IRS2: variants seen among roughly 807,000 people sequenced by gnomAD.
IRS2 encodes the protein insulin receptor substrate 2.
In IRS2, 28 loss-of-function variants were observed where a neutral mutation model predicts 70.9. The ratio of observed to expected loss-of-function variants is 0.39; its 90% CI spans 0.29 to 0.54. IRS2 has a LOEUF of 0.54. IRS2 is among the 20% of genes least tolerant of loss of function. The pLI is 0.59. For missense variants in IRS2, 2,081 were observed against 2,024.1 expected (o/e 1.03, Z -0.54); for synonymous variants, 1,217 against 981.9 (o/e 1.24, Z -4.48).
chr13:109,762,169 T>C (rs942179839), intron 1 of IRS2, among the ~76,000 whole-genome samples: 3 of 152,162 alleles, frequency 2.0e-5, no homozygotes, highest in Non-Finnish European at 2.9e-5. Context: ...GTGTTATTGT[T>C]AAAAACCCTG....
At chr13:109,769,315 CTG>C (rs1221206262) in intron 1 of IRS2, among the ~76,000 whole-genome samples, 3 of 152,216 alleles carry the variant, frequency 2.0e-5, no homozygotes, top group African/African-American at 7.2e-5. Flanking sequence ...CCCTCACACA[CTG>C]TGACATGTGG....
Position 109,782,404 on chromosome 13 carries a change from C to G in IRS2, c.3650G>C (p.Gly1217Ala), listed in dbSNP as rs2138929637. Residue 1217 changes from glycine (G) to alanine (A), a missense_variant, in exon 1 of 2, where the codon GGC becomes GCC. Physicochemically the swap from Gly to Ala is moderately conservative, Grantham distance 60 (BLOSUM62 0). Coordinates refer to ENST00000375856, the MANE Select transcript of IRS2 (RefSeq NM_003749.3). Reference sequence around the variant, plus strand: ...GGGCTGACCCGGGGTCCACGGCCGGCCCTGCGGTGCCAAAGGGGGCGCCGG... The same window carrying G: ...GGGCTGACCCGGGGTCCACGGCCGGGCCTGCGGTGCCAAAGGGGGCGCCGG... ...LQPAPPLAPQ[G>A]RPWTPGQPGG... is the part of the protein sequence containing the mutation. 6.2e-7 allele frequency: 1 copy of G among 1,604,556 alleles called. No homozygotes were observed. The highest frequency in any genetic ancestry group is 2.3e-5 in the East Asian group (1 of 44,420).
Position 109,784,972 on chromosome 13 carries a change from A to G in IRS2, c.1082T>C (p.Val361Ala). Residue 361 changes from valine to alanine, a missense_variant, in exon 1 of 2, where the codon GTG (valine) becomes GCG (alanine). Transcript: ENST00000375856. This position sits in a 1 kb window ranked among gnomAD's most constrained non-coding sequence, Gnocchi z 5.2. ...PPAAKCSSCR[V>A]RTASEGDGGA... ...GCCGTCGCCCTCGCTGGCGGTGCGC[A>G]CCCGGCACGAGCTGCACTTGGCCGC... The G allele has an allele frequency of 8.1e-7, 1 of 1,236,322 alleles. No homozygotes were observed. Among genetic ancestry groups the G allele is most frequent in the Non-Finnish European group, 1.0e-6 (1 of 989,872 alleles). 76.6% of individuals were successfully genotyped at this position (1,236,322 alleles called of 1,614,324 possible).
chr13:109,782,244 C>G lies in IRS2; in HGVS notation c.3810G>C (p.Pro1270=), dbSNP rs777189979. The change falls in exon 1 of 2, where the codon CCG becomes CCC. Residue 1270 remains proline (P), a synonymous_variant. Transcript: ENST00000375856. ...CCGGCTGAGGAAGCGGCGGCGGCGGCGGCTGCGGCTGGGGTGGCAGCCCGG... is the reference window on the plus strand; with the variant it reads ...CCGGCTGAGGAAGCGGCGGCGGCGGGGGCTGCGGCTGGGGTGGCAGCCCGG... ...EEPGLPPQPQ[P]PPPPLPQPGD... The G allele has an allele frequency of 6.2e-7, 1 of 1,608,008 alleles. No homozygotes were observed. The highest frequency in any genetic ancestry group is 1.7e-5 in the Admixed American group (1 of 59,762).
intron 1 of IRS2, among the ~76,000 whole-genome samples, chr13:109,780,974 G>A (rs978158347): frequency 1.3e-5 from 2 of 152,184 alleles, no homozygotes; most frequent in Non-Finnish European, 2.9e-5. Context: ...AGAACGGGAA[G>A]AACAATACCA....
Position 109,785,105 on chromosome 13 carries a change from T to C in IRS2, c.949A>G (p.Ile317Val), listed in dbSNP as rs758450787. 2.5e-6 allele frequency: 4 copies of C among 1,590,184 alleles called. No homozygotes were observed. In the African/African-American group the frequency reaches 4.0e-5, roughly 16 times the overall value. The change falls in exon 1 of 2, where the codon ATC becomes GTC. Residue 317 changes from isoleucine to valine, a missense_variant. Coordinates refer to ENST00000375856, the MANE Select transcript of IRS2 (RefSeq NM_003749.3). This position sits in a 1 kb window ranked among gnomAD's most constrained non-coding sequence, Gnocchi z 9.3. ...QSSGSSATHPISVPGARRHHH... is the reference protein window; with the variant it reads ...QSSGSSATHPVSVPGARRHHH... ...TGGCGGCGCGCGCCGGGGACGCTGA[T>C]GGGGTGCGTGGCCGACGACCCCGAC...
Position 109,784,312 on chromosome 13 carries a change from G to A in IRS2, c.1742C>T (p.Pro581Leu), listed in dbSNP as rs779734557. Residue 581 changes from proline to leucine, a missense_variant, in exon 1 of 2, where the codon CCA becomes CTA. Around this residue, in one of 4 missense-constraint regions of IRS2, gnomAD observed 1,615 missense variants for 1,459.5 expected, o/e 1.11. Coordinates refer to ENST00000375856, the MANE Select transcript of IRS2 (RefSeq NM_003749.3). The surrounding 1 kb of genome is among the most constrained non-coding windows in gnomAD (Gnocchi z 5.2). The part of the protein sequence containing the change: ...LRKRTYSLTT[P>L]ARQRPVPQPS... ...CTGGGGCACCGGCCGCTGCCGGGCT[G>A]GCGTGGTCAGGGAGTAGGTCCTCTT... 10 of 1,602,630 alleles carry A rather than the reference G, an allele frequency of 6.2e-6. No individual in the cohort carries two copies. The highest frequency in any genetic ancestry group is 8.5e-6 in the Non-Finnish European group (10 of 1,175,532).
rs1470291453 is a variant in IRS2 at position 109,786,453 on chromosome 13, C to T, written c.-400G>A. On this transcript the variant is annotated 5_prime_UTR_variant, in exon 1 of 2. Coordinates refer to ENST00000375856, the MANE Select transcript of IRS2 (RefSeq NM_003749.3). This position sits in a 1 kb window ranked among gnomAD's most constrained non-coding sequence, Gnocchi z 4.4. ...GGGCTGCTGCCGCCGCGTCGCGCTC[C>T]GGGAAGCCGGGGTGCGCCCGGGCGC... The T allele has an allele frequency of 6.8e-6, 1 of 148,118 alleles. No homozygotes were observed. The highest frequency in any genetic ancestry group is 1.5e-5 in the Non-Finnish European group (1 of 66,444). The allele number at this position is 148,118 out of a possible 1,614,324, so 9.2% of individuals were successfully genotyped here.
At position 109,755,269 on chromosome 13, in the gene IRS2, A is replaced by G. The variant is rs1307213720; in HGVS notation, c.*1035T>C. The G allele has an allele frequency of 4.6e-6, 1 of 216,990 alleles. No individual in the cohort carries two copies. Among genetic ancestry groups the G allele is most frequent in the Non-Finnish European group, 8.8e-6 (1 of 113,452 alleles). The allele number at this position is 216,990 out of a possible 1,614,324, so 13.4% of individuals were successfully genotyped here. A position where few individuals can be genotyped will look rare whatever the true frequency, so the allele number is the denominator to read the frequency against. ...TCAGGGCAGCCTCACTGGTTGACATAATAACATTTTATTAAAGATAATACG... is the reference window on the plus strand; with the variant it reads ...TCAGGGCAGCCTCACTGGTTGACATGATAACATTTTATTAAAGATAATACG... On this transcript the variant is annotated 3_prime_UTR_variant, in exon 2 of 2. Transcript: ENST00000375856.
Position 109,783,809 on chromosome 13 carries a change from A to C in IRS2, c.2245T>G (p.Ser749Ala). ...TCTGCATGCTCCATGGACAGCTTGG[A>C]ACCGCACCACATGCGCATGTACCCA... The part of the protein sequence containing the change: ...DSGYMRMWCG[S>A]KLSMEHADGK... Residue 749 changes from serine (S) to alanine (A), a missense_variant, in exon 1 of 2, where the codon TCC becomes GCC. By Grantham distance (99) the Ser-to-Ala change is moderately conservative. Around this residue, in one of 4 missense-constraint regions of IRS2, gnomAD observed 1,615 missense variants for 1,459.5 expected, o/e 1.11. Coordinates refer to ENST00000375856, the MANE Select transcript of IRS2 (RefSeq NM_003749.3). 6.3e-7 allele frequency: 1 copy of C among 1,595,156 alleles called. No individual in the cohort carries two copies. The highest frequency in any genetic ancestry group is 1.3e-5 in the African/African-American group (1 of 74,524).
chr13:109,761,387 T>C (rs1877222075), intron 1 of IRS2, among the ~76,000 whole-genome samples: 1 of 152,210 alleles, frequency 6.6e-6, no homozygotes, highest in East Asian at 1.9e-4. Flanking sequence ...TAGTAGCAAA[T>C]GTGATTCCGA....
At chr13:109,771,304 A>G (rs1332330455) in intron 1 of IRS2, among the ~76,000 whole-genome samples, 1 of 152,106 alleles carries the variant, frequency 6.6e-6, no homozygotes, top group Non-Finnish European at 1.5e-5. Flanking sequence ...GCAGTTCAAT[A>G]TTAATATTTA....
In IRS2 at chr13:109,782,696, A is replaced by G; in HGVS notation, c.3358T>C (p.Phe1120Leu). ...TCCGGGGGCTGGCTGGCCTGCAGGAAGGCCTCGACTCCCGACACCTGCTCC... is the reference window on the plus strand; with the variant it reads ...TCCGGGGGCTGGCTGGCCTGCAGGAGGGCCTCGACTCCCGACACCTGCTCC... ...LMEQVSGVEAFLQASQPPDPH... is the reference protein window; with the variant it reads ...LMEQVSGVEALLQASQPPDPH... Residue 1120 changes from phenylalanine (F) to leucine (L), a missense_variant, in exon 1 of 2, where the codon TTC (phenylalanine) becomes CTC (leucine). Physicochemically the swap from Phe to Leu is conservative, Grantham distance 22. Coordinates refer to ENST00000375856, the MANE Select transcript of IRS2 (RefSeq NM_003749.3). 1 of 1,585,286 alleles carries G rather than the reference A, an allele frequency of 6.3e-7. No homozygotes were observed. Among genetic ancestry groups the G allele is most frequent in the East Asian group, 2.3e-5 (1 of 43,448 alleles).
Position 109,770,526 on chromosome 13 carries a change from C to G in IRS2, c.4012+11516G>C, listed in dbSNP as rs549347588. On this transcript the variant is annotated intron_variant, in intron 1 of 1. Transcript: ENST00000375856. ...ACGCAGGGGTGAAGGGGTGAAACAT[C>G]TGAGTGGTCCCAGCTGTGAATGGGA... Among the ~76,000 whole-genome samples, 3 of 152,228 alleles carry G rather than the reference C, an allele frequency of 2.0e-5. No individual in the cohort carries two copies. The South Asian group carries it at 6.2e-4, about 31-fold the overall frequency.
chr13:109,773,278 ATTAG>A (rs1487792279), intron 1 of IRS2, among the ~76,000 whole-genome samples: 6 of 152,360 alleles, frequency 3.9e-5, no homozygotes, highest in South Asian at 2.1e-4. Context: ...GCAACAACTG[ATTAG>A]TTAGTTATTG....
intron 1 of IRS2, among the ~76,000 whole-genome samples, chr13:109,759,684 AG>A (rs200260410): frequency 1.5e-5 from 2 of 135,748 alleles, no homozygotes; most frequent in Non-Finnish European, 3.3e-5. Flanking sequence ...AGCTGGTGGT[AG>A]AATCTTTGCC....
Position 109,784,792 on chromosome 13 carries a change from GC to G in IRS2, c.1261del (p.Ala421GlnfsTer123). ...GCGGCTGTGTTGCAGCGCGCCCCCT[GC>G]CGGCAGCAGCGCCACCTTGCTCCCG... ...GRGSKVALLP[A>X]GGALQHSRSM... On this transcript the variant is annotated frameshift_variant, in exon 1 of 2. Transcript: ENST00000375856. LOFTEE classifies it high-confidence loss of function. This position sits in a 1 kb window ranked among gnomAD's most constrained non-coding sequence, Gnocchi z 5.2. 7.9e-7 allele frequency: 1 copy of G among 1,266,200 alleles called. No individual in the cohort carries two copies. 78.4% of individuals were successfully genotyped at this position (1,266,200 alleles called of 1,614,324 possible).
At chr13:109,761,832 T>G (rs1159924397) in intron 1 of IRS2, among the ~76,000 whole-genome samples, 1 of 152,348 alleles carries the variant, frequency 6.6e-6, no homozygotes, top group East Asian at 1.9e-4. Flanking sequence ...TCATTTCATT[T>G]TGAATGCTTG....
At chr13:109,772,947 G>A (rs951468469) in intron 1 of IRS2, among the ~76,000 whole-genome samples, 6 of 151,868 alleles carry the variant, frequency 4.0e-5, no homozygotes, top group East Asian at 1.9e-4. Context: ...CACCCGCCTC[G>A]GCCTCCCAAA....
Sources: allele counts gnomAD v4.1 joint callset (sites outside exome capture counted in the v4.1 genomes callset), GRCh38; gene constraint gnomAD v4.1.1; regional missense constraint gnomAD v4.1.1; non-coding constraint Gnocchi (gnomAD v3.1); transcripts MANE v1.5; gene names NCBI Gene and HGNC (gene_info 2026-07-23, HGNC 2026-07-21).